Variants in TCHP observed in about 807,000 individuals in gnomAD.
TCHP encodes the protein trichoplein keratin filament-binding protein.
In TCHP, 81 loss-of-function variants were observed where a neutral mutation model predicts 88.7. That is an observed-to-expected ratio of 0.91 (90% CI 0.76 to 1.10). The LOEUF (loss-of-function observed/expected upper bound fraction) is 1.10, where lower values mean the gene tolerates loss of function less well. Among genes scored for constraint, TCHP ranks in the 50% least tolerant of loss-of-function variants. The pLI, the probability that TCHP is intolerant of heterozygous loss-of-function variation, is 0.00. For missense variants in TCHP, 641 were observed against 632.1 expected, an observed-to-expected ratio of 1.01 and a Z score of -0.15; for synonymous variants, 232 against 232.5, an observed-to-expected ratio of 1.00 and a Z score of 0.02.
chr12:109,887,500 C>G, the TCHP span, among the ~76,000 whole-genome samples: 2 of 151,892 alleles, frequency 1.3e-5, no homozygotes, highest in African/African-American at 2.4e-5. Flanking sequence ...CTACTTTTCT[C>G]CCTTTTCTTG....
intron 6 of TCHP, 113 bp from the exon 7 acceptor site, chr12:109,908,473 T>C (rs3742011): frequency 0.046 from 38,007 of 832,464 alleles, 1,399 homozygotes; most frequent in African/African-American, 0.16. Context: ...ACCACCTGCA[T>C]GGCCAGGCCT....
intron 3 of TCHP, 88 bp downstream of exon 3, chr12:109,904,235 T>C: frequency 7.3e-6 from 9 of 1,230,146 alleles, no homozygotes; most frequent in Non-Finnish European, 1.0e-5. Context: ...TCCTGGGTGC[T>C]CAGGTCTGAT....
intron 9 of TCHP, 98 bp from the exon 10 acceptor site, chr12:109,912,893 C>T (rs988868871): frequency 8.8e-6 from 8 of 909,670 alleles, no homozygotes; most frequent in Middle Eastern, 2.7e-4. Context: ...CAGTGTGGTC[C>T]TGCAGAAGCC....
the TCHP span, among the ~76,000 whole-genome samples, chr12:109,890,663 C>T: frequency 1.6e-4 from 24 of 152,180 alleles, 1 homozygote; most frequent in Admixed American, 9.2e-4. Flanking sequence ...GTGCATGCCA[C>T]GACGCCCAGC....
upstream of TCHP, among the ~76,000 whole-genome samples, chr12:109,897,480 C>G (rs1592902070): frequency 6.6e-6 from 1 of 152,284 alleles, no homozygotes; most frequent in East Asian, 1.9e-4. Context: ...AAAGGCCTTG[C>G]CCAAGAGGCA....
chr12:109,884,993 G>A, the TCHP span, among the ~76,000 whole-genome samples: 1 of 152,198 alleles, frequency 6.6e-6, no homozygotes, highest in South Asian at 2.1e-4. Flanking sequence ...TTTTGAGACG[G>A]AGTCTCACTC....
chr12:109,884,750 A>G, the TCHP span, among the ~76,000 whole-genome samples: 3 of 152,206 alleles, frequency 2.0e-5, no homozygotes, highest in African/African-American at 7.2e-5. Context: ...AGTTACAACT[A>G]CAGTCACAAG....
the TCHP span, among the ~76,000 whole-genome samples, chr12:109,881,160 G>A: frequency 6.6e-6 from 1 of 152,174 alleles, no homozygotes; most frequent in Admixed American, 6.5e-5. Flanking sequence ...GGAACATAAG[G>A]CTGACTTCCT....
the TCHP span, among the ~76,000 whole-genome samples, chr12:109,886,379 C>T: frequency 2.0e-5 from 3 of 152,014 alleles, no homozygotes; most frequent in African/African-American, 4.8e-5. Context: ...CTCAGGTGAT[C>T]GACCCACCTC....
intron 5 of TCHP, 40 bp from the exon 6 acceptor site, chr12:109,907,486 C>T (rs369195819): frequency 1.5e-5 from 24 of 1,583,156 alleles, no homozygotes; most frequent in Middle Eastern, 1.7e-4. Context: ...TGTTGGCTTA[C>T]GGTACAGATA....
upstream of TCHP, among the ~76,000 whole-genome samples, chr12:109,896,468 A>G (rs960703294): frequency 1.3e-5 from 2 of 152,260 alleles, no homozygotes; most frequent in Non-Finnish European, 2.9e-5. Flanking sequence ...CTTAAATGAG[A>G]TAATATATCT....
chr12:109,881,956 G>A, the TCHP span, among the ~76,000 whole-genome samples: 1 of 150,924 alleles, frequency 6.6e-6, no homozygotes. Flanking sequence ...ACTGCACTGG[G>A]CACTGAGGAT....
At chr12:109,886,345 C>T in the TCHP span, among the ~76,000 whole-genome samples, 6 of 152,040 alleles carry the variant, frequency 3.9e-5, no homozygotes. Context: ...ACCATGTTGG[C>T]CAGGCTGGTC....
At chr12:109,890,571 G>T in the TCHP span, among the ~76,000 whole-genome samples, 1 of 151,040 alleles carries the variant, frequency 6.6e-6, no homozygotes, top group Non-Finnish European at 1.5e-5. Context: ...GTGCAGTGGC[G>T]TGACCTCGGC....
intron 6 of TCHP, 37 bp downstream of exon 6, chr12:109,907,736 C>T: frequency 2.6e-6 from 4 of 1,558,072 alleles, no homozygotes; most frequent in South Asian, 1.2e-5. Context: ...ACCTCCTCCA[C>T]AGCTGCTCGT....
rs1565911016 is a variant in TCHP at position 109,908,703 on chromosome 12, G to A, written c.812+5G>A. 2 of 1,588,164 alleles carry A rather than the reference G, an allele frequency of 1.3e-6. No individual in the cohort carries two copies. Among genetic ancestry groups the A allele is most frequent in the Non-Finnish European group, 1.7e-6 (2 of 1,167,802 alleles). ...CCGGCAGAAGGCAGAGCTGGGGTGT[G>A]TGTCAGAAGGGCCCCCCACTCTTCC... On this transcript the variant is annotated splice_donor_5th_base_variant and intron_variant, in intron 7 of 12. Transcript: ENST00000405876.
chr12:109,915,597 C>T (rs758395852), intron 12 of TCHP, 51 bp downstream of exon 12: 8 of 1,553,476 alleles, frequency 5.1e-6, no homozygotes, highest in East Asian at 4.6e-5. Flanking sequence ...AGACTCTGCC[C>T]GGCCCCTGCT....
rs1297291020 is a variant in TCHP, at chr12:109,905,349, T to C, written c.456+556T>C. The stretch of plus-strand genomic sequence containing the variant: ...GATAGTGAGGGAGAACCCCAAGAAA[T>C]GACGCTGGCGAGGCAGAGGGTGCCA... On this transcript the variant is annotated intron_variant, in intron 4 of 12. Coordinates refer to ENST00000405876, the MANE Select transcript of TCHP (RefSeq NM_001143852.2). The surrounding 1 kb of genome is among the most constrained non-coding windows in gnomAD (Gnocchi z 4.0). 6.6e-6 allele frequency among the ~76,000 whole-genome samples: 1 copy of C among 152,114 alleles called. No individual in the cohort carries two copies. The highest frequency in any genetic ancestry group is 2.4e-5 in the African/African-American group (1 of 41,416).
chr12:109,902,819 G>A (rs568827893), intron 1 of TCHP, among the ~76,000 whole-genome samples: 147 of 152,284 alleles, frequency 9.7e-4, no homozygotes, highest in African/African-American at 3.4e-3. Flanking sequence ...AAAAAATGCT[G>A]GTGCCTGGGC....
Sources: allele counts gnomAD v4.1 joint callset (sites outside exome capture counted in the v4.1 genomes callset), GRCh38; gene constraint gnomAD v4.1.1; non-coding constraint Gnocchi (gnomAD v3.1); transcripts MANE v1.5; gene names NCBI Gene and HGNC (gene_info 2026-07-23, HGNC 2026-07-21).